Variants in PBX3 observed in about 807,000 individuals in gnomAD.
The protein encoded by PBX3 is pre-B-cell leukemia transcription factor 3.
In PBX3, 14 loss-of-function variants were observed where a neutral mutation model predicts 48.5. The observed-to-expected ratio is 0.29, with a 90% confidence interval of 0.19 to 0.45. The LOEUF is 0.45. Ranked by LOEUF, PBX3 falls within the 20% of genes least tolerant of loss-of-function variation. The pLI is 1.00. For synonymous variants in PBX3, 210 were observed against 200.3 expected (o/e 1.05, Z -0.41); for missense variants, 386 against 546.7 (o/e 0.71, Z 2.93).
chr9:125,961,485 A>G (rs1049170018), intron 6 of PBX3, among the ~76,000 whole-genome samples: 1 of 152,250 alleles, frequency 6.6e-6, no homozygotes, highest in African/African-American at 2.4e-5. Context: ...TTGAATAACA[A>G]TGAAAGATGT....
chr9:125,894,964 T>A (rs190328406), intron 2 of PBX3, among the ~76,000 whole-genome samples: 2 of 152,248 alleles, frequency 1.3e-5, no homozygotes, highest in East Asian at 3.9e-4. Context: ...AAAATCTCTA[T>A]AAATAATTTT....
At chr9:125,929,960 T>C (rs1223896599) in intron 4 of PBX3, 115 bp downstream of exon 4, 1 of 745,444 alleles carries the variant, frequency 1.3e-6, no homozygotes, top group Non-Finnish European at 2.3e-6. Context: ...ATGAGTCTTT[T>C]GTACAATGGA....
chr9:125,863,621 GA>G (rs1839915158), intron 2 of PBX3, among the ~76,000 whole-genome samples: 2 of 152,184 alleles, frequency 1.3e-5, no homozygotes, highest in African/African-American at 4.8e-5. Context: ...GTAATTGACA[GA>G]GTTTAGATTC....
rs1169822666 is a variant in PBX3, at chr9:125,960,729, A to G, written c.889A>G (p.Ile297Val). The G allele has an allele frequency of 6.2e-7, 1 of 1,614,250 alleles. No individual in the cohort carries two copies. Among genetic ancestry groups the G allele is most frequent in the Non-Finnish European group, 8.5e-7 (1 of 1,180,036 alleles). The change falls in exon 6 of 9, where the codon ATT becomes GTT. Residue 297 changes from isoleucine (I) to valine (V), a missense_variant. Physicochemically the swap from Ile to Val is conservative, Grantham distance 29. Around this residue, in one of 4 missense-constraint regions of PBX3, gnomAD observed 74 missense variants for 206.1 expected, o/e 0.36. Transcript: ENST00000373489. ...GNKRIRYKKNIGKFQEEANLY... is the reference protein window; with the variant it reads ...GNKRIRYKKNVGKFQEEANLY... Reference sequence around the variant, plus strand: ...CAAACGAATCAGGTACAAGAAGAACATTGGCAAGTTTCAGGAAGAAGCCAA... The same window carrying G: ...CAAACGAATCAGGTACAAGAAGAACGTTGGCAAGTTTCAGGAAGAAGCCAA...
chr9:125,792,699 T>G (rs1057308125), intron 2 of PBX3, among the ~76,000 whole-genome samples: 1 of 119,754 alleles, frequency 8.4e-6, no homozygotes, highest in African/African-American at 3.0e-5. Flanking sequence ...GAGGTATACT[T>G]AATTTTTTTT....
intron 2 of PBX3, among the ~76,000 whole-genome samples, chr9:125,869,287 G>A (rs1346226420): frequency 6.6e-6 from 1 of 152,074 alleles, no homozygotes; most frequent in Non-Finnish European, 1.5e-5. Context: ...GAGTAAGAAA[G>A]CCCAACAAAC....
intron 2 of PBX3, among the ~76,000 whole-genome samples, chr9:125,753,514 A>T (rs1836430130): frequency 6.6e-6 from 1 of 152,088 alleles, no homozygotes; most frequent in Non-Finnish European, 1.5e-5. Flanking sequence ...TCTTTAAAAT[A>T]TAGAGACATT....
At position 125,858,622 on chromosome 9, in the gene PBX3, A is replaced by ATTTT. The variant is rs36077474; in HGVS notation, c.275-57048_275-57045dup. Among the ~76,000 whole-genome samples, 39 of 117,792 alleles carry ATTTT rather than the reference A, an allele frequency of 3.3e-4. 1 individual carries two copies. The highest frequency in any genetic ancestry group is 5.2e-4 in the African/African-American group (16 of 30,892). The allele number at this position is 117,792 out of a possible 152,430, so 77.3% of individuals were successfully genotyped here. On this transcript the variant is annotated intron_variant, in intron 2 of 8. Coordinates refer to ENST00000373489, the MANE Select transcript of PBX3 (RefSeq NM_006195.6). ...CCCTACTTTTGAAAGACTTTGGTCC[A>ATTTT]TTTTTTTTTTTTTTTTTTTCAAGAT...
chr9:125,812,165 A>G (rs1314639384), intron 2 of PBX3, among the ~76,000 whole-genome samples: 1 of 152,202 alleles, frequency 6.6e-6, no homozygotes, highest in Non-Finnish European at 1.5e-5. Flanking sequence ...TGCGTTGTCC[A>G]CAAACTACCC....
At chr9:125,890,990 C>G (rs1208559081) in intron 2 of PBX3, among the ~76,000 whole-genome samples, 1 of 152,206 alleles carries the variant, frequency 6.6e-6, no homozygotes, top group African/African-American at 2.4e-5. Context: ...GCCATCCTTT[C>G]AAGGCCATGT....
intron 7 of PBX3, among the ~76,000 whole-genome samples, chr9:125,962,655 A>G (rs1438919139): frequency 6.6e-6 from 1 of 152,196 alleles, no homozygotes; most frequent in East Asian, 1.9e-4. Context: ...TAGTTTTTAT[A>G]CATCTAGATG....
intron 2 of PBX3, among the ~76,000 whole-genome samples, chr9:125,888,825 G>C (rs1408903992): frequency 6.6e-6 from 1 of 152,098 alleles, no homozygotes; most frequent in Non-Finnish European, 1.5e-5. Flanking sequence ...GTGTAAGCAG[G>C]ATTGGGTGCT....
intron 2 of PBX3, among the ~76,000 whole-genome samples, chr9:125,911,622 A>G (rs892792791): frequency 6.6e-6 from 1 of 152,166 alleles, no homozygotes; most frequent in Non-Finnish European, 1.5e-5. Context: ...CTGCTAAAAC[A>G]TTTTTCTCTG....
rs61202902 is a variant in PBX3, at chr9:125,791,301, GTCTATCTA to G, written c.274+42718_274+42725del. On this transcript the variant is annotated intron_variant, in intron 2 of 8. Transcript: ENST00000373489. ...TTTTTATCTGTCTGTCTGTCTGTCT[GTCTATCTA>G]TCTATCTATCTATCTATCTATCTAT... Among the ~76,000 whole-genome samples the G allele has an allele frequency of 6.8e-3, 746 of 108,994 alleles. 3 individuals carry two copies. Among genetic ancestry groups the G allele is most frequent in the Admixed American group, 0.013 (132 of 10,348 alleles). 71.5% of individuals were successfully genotyped at this position (108,994 alleles called of 152,430 possible).
chr9:125,812,702 A>AT (rs1458395344), intron 2 of PBX3, among the ~76,000 whole-genome samples: 1 of 152,240 alleles, frequency 6.6e-6, no homozygotes, highest in Admixed American at 6.5e-5. Flanking sequence ...TGAGAACATC[A>AT]TACAGTGTTC....
intron 2 of PBX3, among the ~76,000 whole-genome samples, chr9:125,889,937 C>G (rs1255149106): frequency 6.6e-6 from 1 of 150,836 alleles, no homozygotes; most frequent in African/African-American, 2.4e-5. Flanking sequence ...AGCGGTCCCC[C>G]GCGCCGGCGG....
chr9:125,799,755 TA>T lies in PBX3; in HGVS notation c.274+51137del, dbSNP rs569113657. Among the ~76,000 whole-genome samples the T allele has an allele frequency of 1.4e-3, 207 of 152,324 alleles. 1 individual carries two copies. The highest frequency in any genetic ancestry group is 2.0e-3 in the Non-Finnish European group (139 of 68,020). The stretch of plus-strand genomic sequence containing the variant: ...ATAAGATCCAGTTTAAAGAATAAGA[TA>T]AAAATGTCATGAGCTAGAATTTAGT... On this transcript the variant is annotated intron_variant, in intron 2 of 8. Transcript: ENST00000373489.
rs553369301 is a variant in PBX3 at position 125,750,646 on chromosome 9, G to A, written c.274+2023G>A. ...TTTTGTGTTTTAAAATTGTTTCTGG[G>A]GCTTTCAGTGATAACTTGTAAATTA... On this transcript the variant is annotated intron_variant, in intron 2 of 8. Transcript: ENST00000373489. 1.4e-4 allele frequency among the ~76,000 whole-genome samples: 22 copies of A among 152,306 alleles called. 1 individual carries two copies. In the South Asian group the frequency reaches 2.1e-3, roughly 14 times the overall value.
intron 5 of PBX3, among the ~76,000 whole-genome samples, chr9:125,948,705 C>CGTGTGT (rs34522175): frequency 1.3e-4 from 19 of 148,524 alleles, no homozygotes; most frequent in Admixed American, 6.0e-4. Context: ...CAGGTATATA[C>CGTGTGT]GTGTGTGTGT....
Sources: gnomAD v4.1 joint callset for allele counts (sites outside exome capture counted in the v4.1 genomes callset) on GRCh38, gnomAD v4.1.1 for gene constraint, gnomAD v4.1.1 regional missense constraint, MANE v1.5 for transcripts, NCBI Gene and HGNC (gene_info 2026-07-23, HGNC 2026-07-21) for gene names.